The following SIK2 variants were observed in gnomAD, a reference collection of about 807,000 sequenced individuals.
SIK2 encodes the protein serine/threonine-protein kinase SIK2.
SIK2 carries 29 observed loss-of-function variants against 103.2 expected under a neutral mutation model. That is an observed-to-expected ratio of 0.28 (90% confidence interval 0.21 to 0.38). The LOEUF is 0.38. Ranked by LOEUF, SIK2 falls within the 10% of genes least tolerant of loss-of-function variation. The pLI is 1.00. For synonymous variants in SIK2, 412 were observed against 446.1 expected, an observed-to-expected ratio of 0.92 and a Z score of 0.96; for missense variants, 879 against 1,171.0, an observed-to-expected ratio of 0.75 and a Z score of 3.64.
intron 4 of SIK2, among the ~76,000 whole-genome samples, chr11:111,692,336 G>A (rs1440794006): frequency 1.0e-5 from 1 of 95,676 alleles, no homozygotes; most frequent in Non-Finnish European, 1.9e-5. Context: ...AGGCAACAGA[G>A]CGAGACTCAG....
Position 111,602,788 on chromosome 11 carries a change from G to A in SIK2, c.135+90G>A. 1.4e-6 allele frequency: 2 copies of A among 1,395,970 alleles called. No individual in the cohort carries two copies. Among genetic ancestry groups the A allele is most frequent in the Non-Finnish European group, 1.9e-6 (2 of 1,078,224 alleles). 86.5% of individuals were successfully genotyped at this position (1,395,970 alleles called of 1,614,324 possible). A position where few individuals can be genotyped will look rare whatever the true frequency, so the allele number is the denominator to read the frequency against. ...AGGGGCGGCCGCAGTGGTGGGACCG[G>A]GGAGACCCGAGAGGCCGCCTCACTG... On this transcript the variant is annotated intron_variant, in intron 1 of 14. Transcript: ENST00000304987. The surrounding 1 kb of genome is among the most constrained non-coding windows in gnomAD (Gnocchi z 4.5).
intron 3 of SIK2, among the ~76,000 whole-genome samples, chr11:111,651,498 A>G (rs1687534915): frequency 6.6e-6 from 1 of 152,152 alleles, no homozygotes. Flanking sequence ...ACAAAGACAC[A>G]GGGCGGGGAA....
intron 3 of SIK2, among the ~76,000 whole-genome samples, chr11:111,674,111 G>T (rs918152838): frequency 2.6e-5 from 4 of 151,624 alleles, no homozygotes; most frequent in East Asian, 3.9e-4. Flanking sequence ...AAGCTTAGAG[G>T]TTATGTAGTT....
Position 111,720,580 on chromosome 11 carries a change from C to T in SIK2, c.1598C>T (p.Pro533Leu), listed in dbSNP as rs749858828. 3.7e-6 allele frequency: 6 copies of T among 1,614,016 alleles called. No homozygotes were observed. In the East Asian group the frequency reaches 8.9e-5, roughly 24 times the overall value. The change falls in exon 11 of 15, where the codon CCT (proline) becomes CTT (leucine). Residue 533 changes from proline (P) to leucine (L), a missense_variant. Transcript: ENST00000304987. ...QRDLNFLEDNPSLKDIMLANQ... is the reference protein window; with the variant it reads ...QRDLNFLEDNLSLKDIMLANQ... ...GACCTGAACTTTCTGGAAGACAACC[C>T]TTCCCTTAAGGACATCATGTTAGCC...
intron 3 of SIK2, among the ~76,000 whole-genome samples, chr11:111,644,287 C>CAAA (rs559236704): frequency 4.8e-5 from 2 of 41,966 alleles, no homozygotes; most frequent in Non-Finnish European, 5.2e-5. Context: ...GACTCCATCT[C>CAAA]AAAAAAAAAA....
rs1019365070 is a variant in SIK2 at position 111,728,227 on chromosome 11, C to T, written c.*4098C>T. 12 of 151,988 alleles carry T rather than the reference C, an allele frequency of 7.9e-5. No homozygotes were observed. The highest frequency in any genetic ancestry group is 1.0e-4 in the Non-Finnish European group (7 of 68,006). The allele number at this position is 151,988 out of a possible 1,614,324, so 9.4% of individuals were successfully genotyped here. A position where few individuals can be genotyped will look rare whatever the true frequency, so the allele number is the denominator to read the frequency against. ...GTGAAAATTGGAGAACAGGGAAGCT[C>T]GTAAGTTGGAGTCATTGTACAGGCA... On this transcript the variant is annotated 3_prime_UTR_variant, in exon 15 of 15. Coordinates refer to ENST00000304987, the MANE Select transcript of SIK2 (RefSeq NM_015191.3).
intron 3 of SIK2, among the ~76,000 whole-genome samples, chr11:111,684,634 T>C (rs1942821555): frequency 6.6e-6 from 1 of 152,214 alleles, no homozygotes; most frequent in Non-Finnish European, 1.5e-5. Flanking sequence ...AGGTCCGTAT[T>C]TATAGTGGAC....
At chr11:111,658,770 G>C (rs1942429262) in intron 3 of SIK2, among the ~76,000 whole-genome samples, 1 of 151,938 alleles carries the variant, frequency 6.6e-6, no homozygotes, top group Non-Finnish European at 1.5e-5. Context: ...GAAGAATTAG[G>C]AGATACTAGA....
chr11:111,678,878 G>A (rs777846507), intron 3 of SIK2, among the ~76,000 whole-genome samples: 4 of 152,186 alleles, frequency 2.6e-5, no homozygotes, highest in Non-Finnish European at 4.4e-5. Context: ...CATGTGCAGA[G>A]CAATTTAAGG....
chr11:111,623,849 A>G (rs1403213152), intron 3 of SIK2, among the ~76,000 whole-genome samples: 1 of 152,094 alleles, frequency 6.6e-6, no homozygotes, highest in Non-Finnish European at 1.5e-5. Context: ...GCTCACTCTT[A>G]TCTGGGACTC....
chr11:111,654,410 A>G (rs1024995506), intron 3 of SIK2, among the ~76,000 whole-genome samples: 2 of 152,168 alleles, frequency 1.3e-5, no homozygotes, highest in African/African-American at 2.4e-5. Context: ...CTGAGTTATT[A>G]TTATTCAGTA....
chr11:111,712,400 G>A (rs1943525278), intron 9 of SIK2, 25 bp downstream of exon 9: 2 of 1,600,740 alleles, frequency 1.2e-6, no homozygotes, highest in East Asian at 4.5e-5. Context: ...GAGAGTCTCA[G>A]AACTGGCAGT....
At chr11:111,672,162 G>T in intron 3 of SIK2, 1 of 430,418 alleles carries the variant, frequency 2.3e-6, no homozygotes, top group Non-Finnish European at 4.4e-6. Flanking sequence ...GCTTAAAAGA[G>T]CTTAGCAGGC....
intron 3 of SIK2, among the ~76,000 whole-genome samples, chr11:111,625,083 G>A (rs1295202018): frequency 6.6e-6 from 1 of 152,086 alleles, no homozygotes; most frequent in East Asian, 1.9e-4. Flanking sequence ...GAGGTCAGAG[G>A]GTAAATGAGA....
intron 3 of SIK2, among the ~76,000 whole-genome samples, chr11:111,644,264 G>A (rs1487767949): frequency 6.8e-6 from 1 of 146,744 alleles, no homozygotes; most frequent in African/African-American, 2.5e-5. Context: ...ACTCCAGCCT[G>A]GCGACAGAGC....
chr11:111,653,393 A>G (rs1408646413), intron 3 of SIK2, among the ~76,000 whole-genome samples: 7 of 152,216 alleles, frequency 4.6e-5, no homozygotes, highest in Non-Finnish European at 2.9e-5. Context: ...TAAGCTCAGA[A>G]ATGCTCAGTA....
chr11:111,603,676 A>G (rs1941613527), intron 1 of SIK2, among the ~76,000 whole-genome samples: 1 of 152,114 alleles, frequency 6.6e-6, no homozygotes, highest in Admixed American at 6.5e-5. Context: ...TAAATACCTT[A>G]GAAGAACGGT....
At position 111,688,587 on chromosome 11, in the gene SIK2, A is replaced by G. The variant is rs2135895059; in HGVS notation, c.478+425A>G. On this transcript the variant is annotated intron_variant, in intron 4 of 14. Coordinates refer to ENST00000304987, the MANE Select transcript of SIK2 (RefSeq NM_015191.3). This position sits in a 1 kb window ranked among gnomAD's most constrained non-coding sequence, Gnocchi z 4.2. ...AGAAGTGATGGAGGTAGAATGAGAA[A>G]TAGTTGAGACAGAAAAGCACCTTTC... Among the ~76,000 whole-genome samples, 1 of 152,374 alleles carries G rather than the reference A, an allele frequency of 6.6e-6. No individual in the cohort carries two copies. Among genetic ancestry groups the G allele is most frequent in the African/African-American group, 2.4e-5 (1 of 41,588 alleles).
chr11:111,602,617 G>A lies in SIK2; in HGVS notation c.54G>A (p.Gly18=). ...RHLQRGPVRV[G]FYDIEGTLGK... ...TGCAGCGCGGGCCGGTCCGGGTGGG[G>A]TTCTACGACATCGAGGGCACGCTGG... The change falls in exon 1 of 15, where the codon GGG becomes GGA. Residue 18 remains glycine (G), a synonymous_variant. Coordinates refer to ENST00000304987, the MANE Select transcript of SIK2 (RefSeq NM_015191.3). This position sits in a 1 kb window ranked among gnomAD's most constrained non-coding sequence, Gnocchi z 4.5. The A allele has an allele frequency of 6.5e-7, 1 of 1,536,738 alleles. No individual in the cohort carries two copies. The highest frequency in any genetic ancestry group is 8.8e-7 in the Non-Finnish European group (1 of 1,141,142).
Sources: allele counts gnomAD v4.1 joint callset (sites outside exome capture counted in the v4.1 genomes callset), GRCh38; gene constraint gnomAD v4.1.1; non-coding constraint Gnocchi (gnomAD v3.1); transcripts MANE v1.5; gene names NCBI Gene and HGNC (gene_info 2026-07-23, HGNC 2026-07-21).